The following EZH1 variants were observed in gnomAD, a reference collection of about 807,000 sequenced individuals.
EZH1 encodes the protein enhancer of zeste 1 polycomb repressive complex 2 subunit.
A neutral mutation model predicts 100.5 loss-of-function variants in EZH1; 33 were observed. The observed-to-expected ratio is 0.33, with a 90% confidence interval of 0.25 to 0.44. EZH1 has a LOEUF of 0.44. EZH1 is among the 20% of genes least tolerant of loss of function. The pLI is 1.00. For missense variants in EZH1, 475 were observed against 928.4 expected, an observed-to-expected ratio of 0.51 and a Z score of 6.35; for synonymous variants, 272 against 313.8, an observed-to-expected ratio of 0.87 and a Z score of 1.41.
In EZH1 at chr17:42,713,277, G is replaced by A; in HGVS notation, c.1136C>T (p.Ala379Val). Residue 379 changes from alanine to valine, a missense_variant, in exon 11 of 21, where the codon GCT (alanine) becomes GTT (valine). Transcript: ENST00000428826. ...GTCTCCTTCTTTAGTCTCAGCCACA[G>A]CAGAGGCTGAGGCATTGGAGCAGGA... ...SASCSNASASAVAETKEGDSD... is the reference protein window; with the variant it reads ...SASCSNASASVVAETKEGDSD... 1.2e-6 allele frequency: 2 copies of A among 1,614,034 alleles called. No homozygotes were observed. Among genetic ancestry groups the A allele is most frequent in the South Asian group, 1.1e-5 (1 of 91,060 alleles).
rs2053362160 is a variant in EZH1, at chr17:42,706,791, C to G, written c.1661-606G>C. Among the ~76,000 whole-genome samples, 1 of 152,064 alleles carries G rather than the reference C, an allele frequency of 6.6e-6. No homozygotes were observed. The highest frequency in any genetic ancestry group is 1.5e-5 in the Non-Finnish European group (1 of 68,006). Reference sequence around the variant, plus strand: ...CCCTCCCACTGAGGTGGAGAGTACCCCAGAGAATATGAAATCAGTGTGTTT... The same window carrying G: ...CCCTCCCACTGAGGTGGAGAGTACCGCAGAGAATATGAAATCAGTGTGTTT... On this transcript the variant is annotated intron_variant, in intron 15 of 20. Coordinates refer to ENST00000428826, the MANE Select transcript of EZH1 (RefSeq NM_001991.5). The surrounding 1 kb of genome is among the most constrained non-coding windows in gnomAD (Gnocchi z 4.4).
chr17:42,726,007 T>C (rs1299817090), intron 4 of EZH1, among the ~76,000 whole-genome samples: 1 of 151,818 alleles, frequency 6.6e-6, no homozygotes, highest in Admixed American at 6.6e-5. Flanking sequence ...GCCTCCTGAG[T>C]AGCTGGGATT....
Position 42,718,205 on chromosome 17 carries a change from C to A in EZH1, c.932-138G>T. Reference sequence around the variant, plus strand: ...ACCATCAGGGTGCACAAAATTCAGTCATTTCTGACATCAACACAATGCTTT... The same window carrying A: ...ACCATCAGGGTGCACAAAATTCAGTAATTTCTGACATCAACACAATGCTTT... On this transcript the variant is annotated intron_variant, in intron 9 of 20. Transcript: ENST00000428826. This position sits in a 1 kb window ranked among gnomAD's most constrained non-coding sequence, Gnocchi z 4.2. The A allele has an allele frequency of 1.1e-6, 1 of 872,406 alleles. No homozygotes were observed. The highest frequency in any genetic ancestry group is 2.4e-5 in the Admixed American group (1 of 42,018). 54.0% of individuals were successfully genotyped at this position (872,406 alleles called of 1,614,324 possible).
At chr17:42,733,087 C>G (rs1203051920) in intron 1 of EZH1, among the ~76,000 whole-genome samples, 3 of 151,158 alleles carry the variant, frequency 2.0e-5, no homozygotes. Flanking sequence ...GTTGTAATCC[C>G]AGCACTCTGA....
Position 42,735,853 on chromosome 17 carries a change from C to T in EZH1, c.-102-4935G>A, listed in dbSNP as rs371424564. Among the ~76,000 whole-genome samples, 148 of 152,190 alleles carry T rather than the reference C, an allele frequency of 9.7e-4. 1 individual carries two copies. Among genetic ancestry groups the T allele is most frequent in the Middle Eastern group, 3.4e-3 (1 of 294 alleles). On this transcript the variant is annotated intron_variant, in intron 1 of 20. Transcript: ENST00000428826. ...ATACAAAATTAGCCAGGCGTGGTGG[C>T]GTCTGCCTGCAATCTCAGCTACTCA...
At chr17:42,702,993 C>T (rs756278758) in intron 19 of EZH1, 32 bp from the exon 20 acceptor site, 1 of 1,605,608 alleles carries the variant, frequency 6.2e-7, no homozygotes, top group South Asian at 1.1e-5. Context: ...GGCTAGGTTC[C>T]TACCCAACTC....
At chr17:42,734,901 G>A (rs2054035174) in intron 1 of EZH1, among the ~76,000 whole-genome samples, 1 of 150,172 alleles carries the variant, frequency 6.7e-6, no homozygotes, top group South Asian at 2.1e-4. Context: ...GCTGAGGCAG[G>A]AGAATCGCTT....
At chr17:42,704,781 T>A in intron 17 of EZH1, 98 bp from the exon 18 acceptor site, 1 of 881,606 alleles carries the variant, frequency 1.1e-6, no homozygotes, top group South Asian at 1.5e-5. Flanking sequence ...CTCACATGGG[T>A]GCTTACTGAG....
intron 10 of EZH1, among the ~76,000 whole-genome samples, chr17:42,716,163 A>G (rs1458702363): frequency 1.3e-5 from 2 of 151,576 alleles, no homozygotes; most frequent in Non-Finnish European, 2.9e-5. Context: ...GGTACAGCTG[A>G]AAAAAAAATT....
intron 1 of EZH1, among the ~76,000 whole-genome samples, chr17:42,742,876 T>C (rs893937393): frequency 6.6e-6 from 1 of 152,138 alleles, no homozygotes; most frequent in Non-Finnish European, 1.5e-5. Flanking sequence ...TCTCCCTTTT[T>C]TTTTTCTTTT....
At chr17:42,722,327 A>AG (rs2053724665) in intron 6 of EZH1, among the ~76,000 whole-genome samples, 1 of 150,196 alleles carries the variant, frequency 6.7e-6, no homozygotes, top group Non-Finnish European at 1.5e-5. Context: ...TAAAAAAAAA[A>AG]TAAAAAAAAA....
chr17:42,719,864 C>T (rs1042091494), intron 7 of EZH1, among the ~76,000 whole-genome samples: 4 of 151,990 alleles, frequency 2.6e-5, no homozygotes, highest in African/African-American at 7.3e-5. Flanking sequence ...TACACTGATA[C>T]TATAATTATG....
intron 1 of EZH1, among the ~76,000 whole-genome samples, chr17:42,737,745 A>G (rs1347454096): frequency 2.0e-5 from 3 of 152,254 alleles, no homozygotes; most frequent in Non-Finnish European, 4.4e-5. Context: ...ACATCTCTAC[A>G]GGAAAAGAAA....
At chr17:42,711,392 G>C (rs1184332590) in intron 12 of EZH1, among the ~76,000 whole-genome samples, 1 of 152,162 alleles carries the variant, frequency 6.6e-6, no homozygotes, top group Non-Finnish European at 1.5e-5. Context: ...AGAATCACTT[G>C]AACCTGGGAG....
At chr17:42,726,381 A>G (rs2053821545) in intron 4 of EZH1, among the ~76,000 whole-genome samples, 1 of 151,080 alleles carries the variant, frequency 6.6e-6, no homozygotes, top group African/African-American at 2.4e-5. Context: ...TACTTTTTAT[A>G]TTTTAAAAAT....
At chr17:42,741,409 G>A (rs545505889) in intron 1 of EZH1, among the ~76,000 whole-genome samples, 6 of 152,272 alleles carry the variant, frequency 3.9e-5, no homozygotes, top group East Asian at 1.9e-4. Context: ...GGGTTTCACC[G>A]TGTTGGACAG....
At chr17:42,730,156 T>A (rs1185022726) in intron 2 of EZH1, among the ~76,000 whole-genome samples, 1 of 152,194 alleles carries the variant, frequency 6.6e-6, no homozygotes, top group Admixed American at 6.5e-5. Context: ...TGGTATCTTG[T>A]TTTTAATTTA....
At chr17:42,729,079 T>C (rs1270210394) in intron 2 of EZH1, 127 bp from the exon 3 acceptor site, 2 of 974,214 alleles carry the variant, frequency 2.1e-6, no homozygotes, top group Non-Finnish European at 2.9e-6. Context: ...AAACACACAT[T>C]TAAAGAACCC....
At chr17:42,707,203 A>G (rs1176928390) in intron 15 of EZH1, among the ~76,000 whole-genome samples, 1 of 152,152 alleles carries the variant, frequency 6.6e-6, no homozygotes, top group Non-Finnish European at 1.5e-5. Context: ...AAATTTTTTA[A>G]AACAGTATTC....
Sources: allele counts gnomAD v4.1 joint callset (sites outside exome capture counted in the v4.1 genomes callset), GRCh38; gene constraint gnomAD v4.1.1; non-coding constraint Gnocchi (gnomAD v3.1); transcripts MANE v1.5; gene names NCBI Gene and HGNC (gene_info 2026-07-23, HGNC 2026-07-21).